Variants in SORCS3 observed in about 807,000 individuals in gnomAD.
SORCS3 encodes VPS10 domain-containing receptor SorCS3.
SORCS3 carries 57 observed loss-of-function variants against 146.3 expected under a neutral mutation model. That is an observed-to-expected ratio of 0.39 (90% confidence interval 0.31 to 0.49). The LOEUF (loss-of-function observed/expected upper bound fraction) is 0.49. SORCS3 is among the 20% of genes least tolerant of loss of function. The pLI is 0.92. For missense variants in SORCS3, 1,341 were observed against 1,575.5 expected (o/e 0.85, Z 2.52); for synonymous variants, 653 against 618.5 (o/e 1.06, Z -0.83).
intron 7 of SORCS3, among the ~76,000 whole-genome samples, chr10:105,131,393 C>A (rs898148448): frequency 1.3e-5 from 2 of 152,140 alleles, no homozygotes; most frequent in Non-Finnish European, 2.9e-5. Flanking sequence ...CAGCACAATC[C>A]TCTAACTGGA....
intron 5 of SORCS3, among the ~76,000 whole-genome samples, chr10:105,085,342 A>G (rs971201096): frequency 6.6e-6 from 1 of 152,174 alleles, no homozygotes; most frequent in African/African-American, 2.4e-5. Flanking sequence ...GATTGTGGTG[A>G]AGAATGTTCT....
chr10:105,138,139 A>G (rs904525445), intron 7 of SORCS3, among the ~76,000 whole-genome samples: 2 of 152,202 alleles, frequency 1.3e-5, no homozygotes, highest in African/African-American at 4.8e-5. Context: ...TTTCTCCCTG[A>G]AGATCAGGGT....
chr10:104,791,235 T>C (rs2017492370), intron 1 of SORCS3, among the ~76,000 whole-genome samples: 1 of 152,178 alleles, frequency 6.6e-6, no homozygotes, highest in African/African-American at 2.4e-5. Flanking sequence ...AGGCTAGATC[T>C]TGGGGCAGGC....
chr10:105,018,039 A>G (rs2055177877), intron 4 of SORCS3, among the ~76,000 whole-genome samples: 1 of 152,238 alleles, frequency 6.6e-6, no homozygotes, highest in Non-Finnish European at 1.5e-5. Context: ...GGATACCTCA[A>G]CTGAATTAGC....
chr10:105,038,045 G>A (rs1430551219), intron 4 of SORCS3, among the ~76,000 whole-genome samples: 1 of 152,100 alleles, frequency 6.6e-6, no homozygotes, highest in South Asian at 2.1e-4. Flanking sequence ...TTTAGTCCTC[G>A]CTCTGTGTTT....
At chr10:105,080,776 C>T (rs529589507) in intron 5 of SORCS3, among the ~76,000 whole-genome samples, 16 of 152,094 alleles carry the variant, frequency 1.1e-4, no homozygotes, top group Middle Eastern at 3.4e-3. Flanking sequence ...CCAGTTATCC[C>T]AGCACCAAAA....
chr10:105,147,763 T>C lies in SORCS3; in HGVS notation c.1449T>C (p.Gly483=). ...TGGAGAACATCAAGAGCAGCAGAGG[T>C]CTAATGGGGAACATCATTATTGAAT... ...LAMENIKSSR[G]LMGNIIIELY... is the part of the protein sequence containing the mutation. The change falls in exon 9 of 27, where the codon GGT becomes GGC. Residue 483 remains glycine (G), a synonymous_variant. Coordinates refer to ENST00000369701, the MANE Select transcript of SORCS3 (RefSeq NM_014978.3). 1 of 1,612,790 alleles carries C rather than the reference T, an allele frequency of 6.2e-7. No homozygotes were observed. Among genetic ancestry groups the C allele is most frequent in the Non-Finnish European group, 8.5e-7 (1 of 1,179,196 alleles).
At chr10:105,262,597 A>T in intron 26 of SORCS3, 106 bp downstream of exon 26, 2 of 1,148,912 alleles carry the variant, frequency 1.7e-6, no homozygotes, top group Non-Finnish European at 2.4e-6. Flanking sequence ...GGGACAAACA[A>T]CTACCTACAG....
At chr10:104,809,226 G>C (rs554940993) in intron 1 of SORCS3, among the ~76,000 whole-genome samples, 1 of 152,154 alleles carries the variant, frequency 6.6e-6, no homozygotes, top group Non-Finnish European at 1.5e-5. Context: ...TTGCCTAAGC[G>C]TTCTGTGAGT....
chr10:105,041,480 A>G (rs1301250281), intron 4 of SORCS3, among the ~76,000 whole-genome samples: 1 of 147,316 alleles, frequency 6.8e-6, no homozygotes, highest in Non-Finnish European at 1.5e-5. Context: ...TACATATATA[A>G]CTATATATAC....
chr10:104,641,705 C>T lies in SORCS3; in HGVS notation c.378C>T (p.Gly126=), dbSNP rs1342512778. ...GRGIPAPAKL[G]GARRSRRAQP... is the part of the protein sequence containing the mutation. ...GCATCCCAGCTCCTGCCAAGCTTGG[C>T]GGCGCGAGGAGGAGTCGCCGGGCGC... is the stretch of plus-strand genomic sequence containing the variant. Residue 126 remains glycine (G), a synonymous_variant, in exon 1 of 27, where the codon GGC becomes GGT. Coordinates refer to ENST00000369701, the MANE Select transcript of SORCS3 (RefSeq NM_014978.3). The surrounding 1 kb of genome is among the most constrained non-coding windows in gnomAD (Gnocchi z 6.4). The T allele has an allele frequency of 6.5e-7, 1 of 1,537,414 alleles. No individual in the cohort carries two copies. Among genetic ancestry groups the T allele is most frequent in the Non-Finnish European group, 8.7e-7 (1 of 1,143,838 alleles).
At chr10:104,731,593 T>G (rs912037077) in intron 1 of SORCS3, among the ~76,000 whole-genome samples, 2 of 152,194 alleles carry the variant, frequency 1.3e-5, no homozygotes. Context: ...AGGCTTTGGA[T>G]CACACTGCCT....
At chr10:105,162,277 A>G (rs1471523807) in intron 11 of SORCS3, among the ~76,000 whole-genome samples, 2 of 152,194 alleles carry the variant, frequency 1.3e-5, no homozygotes, top group African/African-American at 4.8e-5. Context: ...TTACCAGCAA[A>G]GCTGTTGGTG....
intron 4 of SORCS3, among the ~76,000 whole-genome samples, chr10:105,017,267 T>C (rs2055173874): frequency 6.6e-6 from 1 of 152,004 alleles, no homozygotes; most frequent in Non-Finnish European, 1.5e-5. Flanking sequence ...GTGGTACCAG[T>C]AGAAAGGCCC....
rs112994824 is a variant in SORCS3, at chr10:104,996,975, C to T, written c.954+19482C>T. ...TTGAGAAGAGTGGCATTTATTTTTT[C>T]GATGATCCCTGGAAGAGGTGTGAGA... On this transcript the variant is annotated intron_variant, in intron 4 of 26. Transcript: ENST00000369701. 7.1e-3 allele frequency among the ~76,000 whole-genome samples: 1,083 copies of T among 152,086 alleles called. 14 individuals are homozygous for T. The highest frequency in any genetic ancestry group is 0.023 in the African/African-American group (948 of 41,500).
intron 4 of SORCS3, among the ~76,000 whole-genome samples, chr10:105,003,968 T>C (rs1351968433): frequency 6.6e-6 from 1 of 150,832 alleles, no homozygotes; most frequent in African/African-American, 2.5e-5. Context: ...TTTCCTCTTA[T>C]CCCTTTCCCC....
chr10:105,084,510 C>G (rs780662872), intron 5 of SORCS3, among the ~76,000 whole-genome samples: 93 of 152,276 alleles, frequency 6.1e-4, no homozygotes, highest in Middle Eastern at 6.8e-3. Context: ...AGACTTGGGA[C>G]TTTAAGACGA....
chr10:105,211,590 A>T (rs1161293717), intron 17 of SORCS3, among the ~76,000 whole-genome samples: 1 of 152,212 alleles, frequency 6.6e-6, no homozygotes. Flanking sequence ...CAGATATTAC[A>T]CTACTCTCTA....
chr10:105,061,648 A>G (rs1320737919), intron 5 of SORCS3, among the ~76,000 whole-genome samples: 3 of 61,404 alleles, frequency 4.9e-5, no homozygotes, highest in African/African-American at 8.6e-5. Context: ...GCGAGACCCT[A>G]TCTCAAAAAA....
Sources: allele counts gnomAD v4.1 joint callset (sites outside exome capture counted in the v4.1 genomes callset), GRCh38; gene constraint gnomAD v4.1.1; non-coding constraint Gnocchi (gnomAD v3.1); transcripts MANE v1.5; gene names NCBI Gene and HGNC (gene_info 2026-07-23, HGNC 2026-07-21).